Variants in IGF1R observed in about 807,000 individuals in gnomAD.
IGF1R encodes the protein insulin-like growth factor 1 receptor.
A neutral mutation model predicts 144.6 loss-of-function variants in IGF1R; 44 were observed. That is an observed-to-expected ratio of 0.30 (90% CI 0.24 to 0.39). The LOEUF is 0.39. IGF1R is among the 10% of genes least tolerant of loss of function. The pLI is 1.00. For synonymous variants in IGF1R, 795 were observed against 722.8 expected, an observed-to-expected ratio of 1.10 and a Z score of -1.60; for missense variants, 1,355 against 1,833.7, an observed-to-expected ratio of 0.74 and a Z score of 4.77.
intron 1 of IGF1R, among the ~76,000 whole-genome samples, chr15:98,696,201 T>G (rs2053594481): frequency 6.6e-6 from 1 of 152,210 alleles, no homozygotes; most frequent in Non-Finnish European, 1.5e-5. Context: ...TCTGTTGATC[T>G]TTTTAGCTCT....
rs1412533322 is a variant in IGF1R, at chr15:98,957,707, TAGCAACAGAGCACTTGAG to T, written c.*267_*284del. 4 of 554,810 alleles carry T rather than the reference TAGCAACAGAGCACTTGAG, an allele frequency of 7.2e-6. No individual in the cohort carries two copies. Among genetic ancestry groups the T allele is most frequent in the Non-Finnish European group, 9.7e-6 (3 of 309,468 alleles). 34.4% of individuals were successfully genotyped at this position (554,810 alleles called of 1,614,324 possible). On this transcript the variant is annotated 3_prime_UTR_variant, in exon 21 of 21. Transcript: ENST00000650285. ...TAAGAACCTTAATGACAACACTTAA[TAGCAACAGAGCACTTGAG>T]AACCAGTCTCCTCACTCTGTCCCTG...
chr15:98,853,510 G>C (rs557393608), intron 2 of IGF1R, among the ~76,000 whole-genome samples: 1 of 152,102 alleles, frequency 6.6e-6, no homozygotes, highest in Non-Finnish European at 1.5e-5. Flanking sequence ...TTTAGAAGTC[G>C]GTATTCTAAA....
intron 2 of IGF1R, among the ~76,000 whole-genome samples, chr15:98,883,995 A>G (rs1350657646): frequency 6.6e-6 from 1 of 152,164 alleles, no homozygotes; most frequent in Non-Finnish European, 1.5e-5. Flanking sequence ...ATACATTATT[A>G]TTGTTACCTA....
At chr15:98,737,048 C>T (rs923962572) in intron 2 of IGF1R, among the ~76,000 whole-genome samples, 6 of 152,320 alleles carry the variant, frequency 3.9e-5, no homozygotes, top group East Asian at 3.9e-4. Context: ...TTTCTGGAAA[C>T]GACCCAGTCC....
At chr15:98,818,253 C>T (rs191138864) in intron 2 of IGF1R, among the ~76,000 whole-genome samples, 171 of 152,156 alleles carry the variant, frequency 1.1e-3, no homozygotes, top group African/African-American at 3.3e-3. Context: ...GATTTCATAG[C>T]GTCGAGTTAT....
intron 1 of IGF1R, among the ~76,000 whole-genome samples, chr15:98,650,301 G>C (rs936880304): frequency 9.2e-5 from 14 of 152,220 alleles, no homozygotes; most frequent in Non-Finnish European, 1.0e-4. Context: ...GGCTCCTCGG[G>C]TTCCTGGCCT....
intron 2 of IGF1R, among the ~76,000 whole-genome samples, chr15:98,822,145 G>C (rs746404221): frequency 2.6e-5 from 4 of 152,182 alleles, no homozygotes; most frequent in Non-Finnish European, 4.4e-5. Context: ...GACTGTTGCA[G>C]AGCATTAGAG....
chr15:98,789,109 C>T (rs181640368), intron 2 of IGF1R, among the ~76,000 whole-genome samples: 60 of 152,304 alleles, frequency 3.9e-4, no homozygotes, highest in Non-Finnish European at 6.9e-4. Flanking sequence ...CATTTACCTT[C>T]TTGTAAAATG....
At chr15:98,872,113 G>T (rs1254862898) in intron 2 of IGF1R, among the ~76,000 whole-genome samples, 1 of 152,220 alleles carries the variant, frequency 6.6e-6, no homozygotes, top group African/African-American at 2.4e-5. Flanking sequence ...GCCTTCAAAT[G>T]ATGTCTTGGG....
intron 20 of IGF1R, among the ~76,000 whole-genome samples, chr15:98,951,832 G>A (rs1178472912): frequency 6.6e-6 from 1 of 152,202 alleles, no homozygotes; most frequent in Non-Finnish European, 1.5e-5. Context: ...TGGCTCTGTG[G>A]GCCCATACGA....
At chr15:98,879,294 G>C (rs1243033058) in intron 2 of IGF1R, among the ~76,000 whole-genome samples, 1 of 152,178 alleles carries the variant, frequency 6.6e-6, no homozygotes, top group Admixed American at 6.5e-5. Flanking sequence ...AAAATACAGT[G>C]ATAGTAAAAG....
chr15:98,959,832 C>CT lies in IGF1R; in HGVS notation c.*2391dup, dbSNP rs1386664191. The CT allele has an allele frequency of 4.0e-5, 9 of 227,304 alleles. No individual in the cohort carries two copies. In the East Asian group the frequency reaches 4.9e-4, roughly 12 times the overall value. 14.1% of individuals were successfully genotyped at this position (227,304 alleles called of 1,614,324 possible). A position where few individuals can be genotyped will look rare whatever the true frequency, so the allele number is the denominator to read the frequency against. On this transcript the variant is annotated 3_prime_UTR_variant, in exon 21 of 21. Transcript: ENST00000650285. ...TTTGTCCCACTGCTTTCTCTAGTCT[C>CT]TATCCCATAGCGTGTTCCCTTTAAA...
At chr15:98,684,010 G>T (rs898902836) in intron 1 of IGF1R, among the ~76,000 whole-genome samples, 2 of 152,132 alleles carry the variant, frequency 1.3e-5, no homozygotes, top group African/African-American at 4.8e-5. Context: ...GTCTTCTCCA[G>T]CTGGGCCTCT....
At position 98,960,303 on chromosome 15, in the gene IGF1R, T is replaced by G. The variant is rs1007054109; in HGVS notation, c.*2861T>G. On this transcript the variant is annotated 3_prime_UTR_variant, in exon 21 of 21. Coordinates refer to ENST00000650285, the MANE Select transcript of IGF1R (RefSeq NM_000875.5). Reference sequence around the variant, plus strand: ...CCTGTTTTGTGTTGCTTTTTTTGTTTTGTTTTCTATCTTGGTTTCCACCAA... The same window carrying G: ...CCTGTTTTGTGTTGCTTTTTTTGTTGTGTTTTCTATCTTGGTTTCCACCAA... The G allele has an allele frequency of 4.3e-6, 1 of 233,060 alleles. No homozygotes were observed. The highest frequency in any genetic ancestry group is 8.5e-6 in the Non-Finnish European group (1 of 117,926). 14.4% of individuals were successfully genotyped at this position (233,060 alleles called of 1,614,324 possible).
intron 2 of IGF1R, among the ~76,000 whole-genome samples, chr15:98,837,355 C>G (rs1199102260): frequency 1.3e-5 from 2 of 152,212 alleles, no homozygotes; most frequent in Non-Finnish European, 2.9e-5. Flanking sequence ...TCTCCTGCCT[C>G]AGCCTCCTCC....
chr15:98,951,919 G>T (rs1049058929), intron 20 of IGF1R, among the ~76,000 whole-genome samples: 8 of 152,204 alleles, frequency 5.3e-5, no homozygotes, highest in African/African-American at 1.9e-4. Context: ...GCGTGGCTGT[G>T]TTCCAATACA....
intron 1 of IGF1R, among the ~76,000 whole-genome samples, chr15:98,675,806 TTTTTTTTC>T: frequency 1.1e-5 from 1 of 91,270 alleles, no homozygotes; most frequent in Non-Finnish European, 2.5e-5. Context: ...ATATCTTTTC[TTTTTTTTC>T]TTTCTTTCTT....
At chr15:98,708,846 A>C (rs1188252726) in intron 2 of IGF1R, among the ~76,000 whole-genome samples, 1 of 152,218 alleles carries the variant, frequency 6.6e-6, no homozygotes, top group Non-Finnish European at 1.5e-5. Context: ...AGATTTCACG[A>C]GTGAAGGAAC....
Position 98,649,545 on chromosome 15 carries a change from T to TC in IGF1R, c.-37_-36insC. The TC allele has an allele frequency of 1.5e-6, 1 of 670,132 alleles. No individual in the cohort carries two copies. The highest frequency in any genetic ancestry group is 2.3e-6 in the Non-Finnish European group (1 of 430,238). 41.5% of individuals were successfully genotyped at this position (670,132 alleles called of 1,614,324 possible). ...CTTTTCTTTTTTTTTTTTTTTTTTTTTTTTGAGAAAGGGGAATTTCATCCC... is the reference window on the plus strand; with the variant it reads ...CTTTTCTTTTTTTTTTTTTTTTTTTTCTTTTGAGAAAGGGGAATTTCATCCC... On this transcript the variant is annotated 5_prime_UTR_variant, in exon 1 of 21. Coordinates refer to ENST00000650285, the MANE Select transcript of IGF1R (RefSeq NM_000875.5).
Sources: gnomAD v4.1 joint callset for allele counts (sites outside exome capture counted in the v4.1 genomes callset) on GRCh38, gnomAD v4.1.1 for gene constraint, MANE v1.5 for transcripts, NCBI Gene and HGNC (gene_info 2026-07-23, HGNC 2026-07-21) for gene names.